Variants in ANO10 observed in about 807,000 individuals in gnomAD.
The protein encoded by ANO10 is anoctamin-10.
A neutral mutation model predicts 74.7 loss-of-function variants in ANO10; 77 were observed. The ratio of observed to expected loss-of-function variants is 1.03; its 90% confidence interval spans 0.86 to 1.25. The LOEUF (loss-of-function observed/expected upper bound fraction) is 1.25, where lower values mean the gene tolerates loss of function less well. ANO10 is among the 50% of genes most tolerant of loss of function. ANO10 has a pLI of 0.00. For missense variants in ANO10, 721 were observed against 778.1 expected, an observed-to-expected ratio of 0.93 and a Z score of 0.87; for synonymous variants, 279 against 284.9, an observed-to-expected ratio of 0.98 and a Z score of 0.21.
intron 11 of ANO10, among the ~76,000 whole-genome samples, chr3:43,479,386 T>C (rs909716415): frequency 1.3e-5 from 2 of 152,184 alleles, no homozygotes; most frequent in Non-Finnish European, 2.9e-5. Flanking sequence ...TATTAAACTT[T>C]GATATATTTA....
chr3:43,688,300 T>C (rs932865355), intron 1 of ANO10, among the ~76,000 whole-genome samples: 1 of 152,152 alleles, frequency 6.6e-6, no homozygotes, highest in South Asian at 2.1e-4. Flanking sequence ...ACCACTGGGC[T>C]TGCACTGTGT....
Position 43,394,436 on chromosome 3 carries a change from C to A in ANO10, c.1915-27462G>T, listed in dbSNP as rs116890885. ...AAATTCTCCCACCCTCACCTCTTGA[C>A]CCTAAGCCTCTTCAGGATATTTGTT... On this transcript the variant is annotated intron_variant, in intron 12 of 12. Transcript: ENST00000292246. 1.1e-3 allele frequency among the ~76,000 whole-genome samples: 175 copies of A among 152,274 alleles called. 2 individuals are homozygous for A. In the East Asian group the frequency reaches 0.03, roughly 26 times the overall value.
At chr3:43,485,004 G>A in intron 11 of ANO10, 3 of 1,461,604 alleles carry the variant, frequency 2.1e-6, no homozygotes, top group Non-Finnish European at 2.8e-6. Context: ...TTGGTGGTGA[G>A]GCGTGGCTTG....
At chr3:43,539,538 G>A (rs949960606) in intron 11 of ANO10, among the ~76,000 whole-genome samples, 24 of 152,248 alleles carry the variant, frequency 1.6e-4, no homozygotes, top group African/African-American at 5.3e-4. Flanking sequence ...TGTTGAGAGC[G>A]GGAAGCACAG....
intron 10 of ANO10, among the ~76,000 whole-genome samples, chr3:43,550,706 A>C (rs1245152538): frequency 6.6e-6 from 1 of 152,226 alleles, no homozygotes; most frequent in Non-Finnish European, 1.5e-5. Flanking sequence ...AGTTTTCTTC[A>C]TAAGAAATCT....
chr3:43,610,714 AG>A (rs910138172), intron 1 of ANO10, among the ~76,000 whole-genome samples: 3 of 152,246 alleles, frequency 2.0e-5, no homozygotes, highest in African/African-American at 7.2e-5. Flanking sequence ...TGTCAGGCAC[AG>A]AAAAACAGCT....
intron 11 of ANO10, among the ~76,000 whole-genome samples, chr3:43,492,519 G>A (rs2076760778): frequency 6.6e-6 from 1 of 152,158 alleles, no homozygotes; most frequent in Admixed American, 6.5e-5. Context: ...CAGAATGGGA[G>A]AATATTTTTG....
intron 11 of ANO10, among the ~76,000 whole-genome samples, chr3:43,476,400 G>A (rs2076066779): frequency 6.6e-6 from 1 of 152,148 alleles, no homozygotes; most frequent in Non-Finnish European, 1.5e-5. Flanking sequence ...TCTCCAATTA[G>A]TGGGGTCTGT....
At chr3:43,593,377 C>G (rs951602163) in intron 4 of ANO10, among the ~76,000 whole-genome samples, 5 of 152,174 alleles carry the variant, frequency 3.3e-5, no homozygotes, top group African/African-American at 4.8e-5. Flanking sequence ...GGGTTACCCA[C>G]AAAGGGAAGT....
intron 2 of ANO10, among the ~76,000 whole-genome samples, chr3:43,604,861 A>C (rs1012466223): frequency 6.6e-6 from 1 of 151,906 alleles, no homozygotes; most frequent in African/African-American, 2.4e-5. Context: ...GCAAGCAAAT[A>C]CTCCTGCTTT....
chr3:43,684,317 G>C (rs1009807174), intron 1 of ANO10, among the ~76,000 whole-genome samples: 2 of 152,110 alleles, frequency 1.3e-5, no homozygotes, highest in African/African-American at 4.8e-5. Flanking sequence ...GCAGCCAAAA[G>C]ACACATGAAA....
At chr3:43,460,204 C>T (rs1306816289) in intron 11 of ANO10, among the ~76,000 whole-genome samples, 3 of 151,976 alleles carry the variant, frequency 2.0e-5, no homozygotes, top group African/African-American at 7.3e-5. Context: ...AGCCTAGAAC[C>T]CAGATGGAGG....
intron 4 of ANO10, among the ~76,000 whole-genome samples, chr3:43,590,027 TATC>T (rs1265984769): frequency 6.6e-6 from 1 of 152,236 alleles, no homozygotes; most frequent in African/African-American, 2.4e-5. Context: ...AGAGACAACT[TATC>T]ATTGTCTAAA....
intron 11 of ANO10, among the ~76,000 whole-genome samples, chr3:43,500,405 C>T (rs960338418): frequency 2.0e-5 from 3 of 152,152 alleles, no homozygotes; most frequent in Non-Finnish European, 2.9e-5. Context: ...AGGTTTATAG[C>T]CCCACCCAGA....
chr3:43,367,062 G>A, intron 12 of ANO10, 88 bp from the exon 13 acceptor site: 1 of 1,306,098 alleles, frequency 7.7e-7, no homozygotes, highest in Non-Finnish European at 1.1e-6. Flanking sequence ...CTGGCCAGCG[G>A]CTTTGACCCC....
At chr3:43,635,363 C>T (rs1335824930) in intron 1 of ANO10, among the ~76,000 whole-genome samples, 4 of 152,148 alleles carry the variant, frequency 2.6e-5, no homozygotes, top group Non-Finnish European at 4.4e-5. Flanking sequence ...ACTTCAAGTC[C>T]TCGTTCATGT....
At chr3:43,547,455 C>T (rs1294806070) in intron 11 of ANO10, among the ~76,000 whole-genome samples, 2 of 152,154 alleles carry the variant, frequency 1.3e-5, no homozygotes, top group Non-Finnish European at 2.9e-5. Context: ...CTATGATCCC[C>T]CTGAAACCTG....
At chr3:43,563,676 A>C (rs964763568) in intron 8 of ANO10, among the ~76,000 whole-genome samples, 1 of 152,212 alleles carries the variant, frequency 6.6e-6, no homozygotes, top group African/African-American at 2.4e-5. Context: ...GGCCATAAAA[A>C]AGACTGAAAT....
At chr3:43,580,598 C>T (rs2081223787) in intron 4 of ANO10, 126 bp from the exon 5 acceptor site, 5 of 1,109,438 alleles carry the variant, frequency 4.5e-6, no homozygotes, top group Non-Finnish European at 4.0e-6. Context: ...ATACTGCCTA[C>T]TCCAAACCTG....
Sources: gnomAD v4.1 joint callset for allele counts (sites outside exome capture counted in the v4.1 genomes callset) on GRCh38, gnomAD v4.1.1 for gene constraint, MANE v1.5 for transcripts, NCBI Gene and HGNC (gene_info 2026-07-23, HGNC 2026-07-21) for gene names.